INPP4B: variants seen among roughly 807,000 people sequenced by gnomAD.
INPP4B encodes the protein inositol polyphosphate-4-phosphatase type II B, also known as inositol polyphosphate 4-phosphatase type II.
A neutral mutation model predicts 122.5 loss-of-function variants in INPP4B; 55 were observed. The observed-to-expected ratio is 0.45, with a 90% CI of 0.36 to 0.56. INPP4B has a LOEUF of 0.56. INPP4B is among the 20% of genes least tolerant of loss of function. The pLI is 0.00. For synonymous variants in INPP4B, 403 were observed against 388.7 expected, an observed-to-expected ratio of 1.04 and a Z score of -0.43; for missense variants, 1,000 against 1,097.7, an observed-to-expected ratio of 0.91 and a Z score of 1.26.
chr4:142,409,162 C>T (rs781495141), intron 5 of INPP4B, among the ~76,000 whole-genome samples: 3 of 152,060 alleles, frequency 2.0e-5, no homozygotes, highest in African/African-American at 7.2e-5. Flanking sequence ...TTTCACTCTA[C>T]GAGAAGGAAA....
chr4:142,505,194 G>A (rs1823852726), intron 2 of INPP4B, among the ~76,000 whole-genome samples: 1 of 150,442 alleles, frequency 6.6e-6, no homozygotes, highest in Non-Finnish European at 1.5e-5. Flanking sequence ...AGCCATGATT[G>A]TGTCACTGAA....
chr4:142,557,860 T>C (rs947154489), intron 2 of INPP4B, among the ~76,000 whole-genome samples: 2 of 152,184 alleles, frequency 1.3e-5, no homozygotes, highest in South Asian at 2.1e-4. Flanking sequence ...TCTAGTTCTA[T>C]CTATGGGCTC....
intron 2 of INPP4B, among the ~76,000 whole-genome samples, chr4:142,673,364 C>G (rs1757267527): frequency 6.6e-6 from 1 of 151,792 alleles, no homozygotes; most frequent in Non-Finnish European, 1.5e-5. Context: ...TATATATTAG[C>G]CTATGAGTGT....
intron 9 of INPP4B, among the ~76,000 whole-genome samples, chr4:142,271,509 T>C (rs751122919): frequency 2.0e-5 from 3 of 152,346 alleles, no homozygotes; most frequent in African/African-American, 4.8e-5. Context: ...AATATTCTTA[T>C]CTTCCTCTAT....
At chr4:142,239,564 A>C (rs370107334) in intron 11 of INPP4B, among the ~76,000 whole-genome samples, 3 of 152,296 alleles carry the variant, frequency 2.0e-5, no homozygotes, top group African/African-American at 7.2e-5. Context: ...CAATAAAAGA[A>C]AATAAAAAGT....
chr4:142,496,487 C>T (rs1822583043), intron 2 of INPP4B, among the ~76,000 whole-genome samples: 2 of 152,114 alleles, frequency 1.3e-5, no homozygotes, highest in Non-Finnish European at 1.5e-5. Flanking sequence ...TTAGTAGCTA[C>T]AGTCAAACAA....
chr4:142,475,487 T>G (rs1366315427), intron 2 of INPP4B, among the ~76,000 whole-genome samples: 2 of 152,134 alleles, frequency 1.3e-5, no homozygotes, highest in African/African-American at 4.8e-5. Context: ...GGTTCTTACC[T>G]GGGCTGAAAT....
intron 10 of INPP4B, among the ~76,000 whole-genome samples, chr4:142,270,231 T>C (rs1745078763): frequency 6.6e-6 from 1 of 152,200 alleles, no homozygotes; most frequent in South Asian, 2.1e-4. Context: ...AAATCTGCCC[T>C]CCTTCACGTA....
At chr4:142,737,725 C>A (rs1580806054) in intron 1 of INPP4B, among the ~76,000 whole-genome samples, 1 of 151,990 alleles carries the variant, frequency 6.6e-6, no homozygotes. Flanking sequence ...TGACAAAGGG[C>A]TAATATCCAG....
intron 25 of INPP4B, among the ~76,000 whole-genome samples, chr4:142,050,440 T>G (rs908043130): frequency 1.3e-5 from 2 of 152,018 alleles, no homozygotes; most frequent in Non-Finnish European, 2.9e-5. Context: ...AAAAAGATTA[T>G]TAGCTAGTGG....
chr4:142,710,170 G>T (rs1762936214), intron 2 of INPP4B, among the ~76,000 whole-genome samples: 1 of 152,108 alleles, frequency 6.6e-6, no homozygotes, highest in Non-Finnish European at 1.5e-5. Context: ...AGGGAAACTT[G>T]CCCATATTTT....
intron 1 of INPP4B, among the ~76,000 whole-genome samples, chr4:142,826,705 G>C (rs1044118674): frequency 2.0e-5 from 3 of 152,084 alleles, no homozygotes; most frequent in Non-Finnish European, 2.9e-5. Context: ...CTCACAGCCA[G>C]CTAAGCCTGT....
chr4:142,252,683 T>G (rs902108268), intron 11 of INPP4B, among the ~76,000 whole-genome samples: 1 of 152,206 alleles, frequency 6.6e-6, no homozygotes, highest in Non-Finnish European at 1.5e-5. Context: ...AGTACACACC[T>G]ACATACCCAA....
intron 2 of INPP4B, chr4:142,468,147 A>C (rs1818158036): frequency 2.0e-5 from 3 of 152,186 alleles, no homozygotes; most frequent in Admixed American, 2.0e-4. Context: ...AAATTAACAC[A>C]GCCCTGAATG....
At chr4:142,631,746 A>G (rs1748002619) in intron 2 of INPP4B, among the ~76,000 whole-genome samples, 1 of 152,192 alleles carries the variant, frequency 6.6e-6, no homozygotes, top group Non-Finnish European at 1.5e-5. Flanking sequence ...TAATCTATCT[A>G]CAGAAAAAAG....
At chr4:142,252,864 G>T (rs536412852) in intron 11 of INPP4B, among the ~76,000 whole-genome samples, 1 of 152,154 alleles carries the variant, frequency 6.6e-6, no homozygotes, top group Admixed American at 6.5e-5. Flanking sequence ...GAAATTTATA[G>T]TCGTGTAGTT....
rs1439352350 is a variant in INPP4B at position 142,026,163 on chromosome 4, A to G, written c.*2619T>C. On this transcript the variant is annotated 3_prime_UTR_variant, in exon 26 of 26. Transcript: ENST00000262992. ...GTGTATCTTTTAAGTGAAAATATAG[A>G]TAGAATAGCATGACTGTGGCTGTGT... The G allele has an allele frequency of 2.0e-5, 3 of 152,170 alleles. No individual in the cohort carries two copies. Among genetic ancestry groups the G allele is most frequent in the Non-Finnish European group, 4.4e-5 (3 of 68,026 alleles). 9.4% of individuals were successfully genotyped at this position (152,170 alleles called of 1,614,324 possible). A position where few individuals can be genotyped will look rare whatever the true frequency, so the allele number is the denominator to read the frequency against.
rs1317850377 is a variant in INPP4B at position 142,305,559 on chromosome 4, G to A, written c.424-22C>T. On this transcript the variant is annotated intron_variant, in intron 8 of 25. Coordinates refer to ENST00000262992, the MANE Select transcript of INPP4B (RefSeq NM_001101669.3). Reference sequence around the variant, plus strand: ...TTCGCTGAAAATAACAGAAAGAATGGTTTCATTAACTTGAGGTTCTTTAAT... The same window carrying A: ...TTCGCTGAAAATAACAGAAAGAATGATTTCATTAACTTGAGGTTCTTTAAT... 4 of 1,599,708 alleles carry A rather than the reference G, an allele frequency of 2.5e-6. No homozygotes were observed. The African/African-American group carries it at 4.0e-5, about 16-fold the overall frequency.
intron 2 of INPP4B, among the ~76,000 whole-genome samples, chr4:142,493,268 T>C (rs1414283116): frequency 6.6e-6 from 1 of 152,154 alleles, no homozygotes; most frequent in African/African-American, 2.4e-5. Flanking sequence ...GGAGAACCCC[T>C]GTGGAAGGGA....
Sources: allele counts gnomAD v4.1 joint callset (sites outside exome capture counted in the v4.1 genomes callset), GRCh38; gene constraint gnomAD v4.1.1; transcripts MANE v1.5; gene names NCBI Gene and HGNC (gene_info 2026-07-23, HGNC 2026-07-21).